Variants in SERPINI2 observed in about 807,000 individuals in gnomAD.
SERPINI2 encodes the protein serpin family I member 2, also known as serpin I2.
SERPINI2 carries 48 observed loss-of-function variants against 47.3 expected under a neutral mutation model. That is an observed-to-expected ratio of 1.02 (90% confidence interval 0.81 to 1.29). The LOEUF (loss-of-function observed/expected upper bound fraction) is 1.29, where lower values mean the gene tolerates loss of function less well. Among genes scored for constraint, SERPINI2 ranks in the 50% most tolerant of loss-of-function variants. The probability of loss-of-function intolerance (pLI) is 0.00; values close to 1 mark genes in which losing one functional copy is unlikely to be tolerated. For missense variants in SERPINI2, 448 were observed against 456.9 expected (o/e 0.98, Z 0.18); for synonymous variants, 135 against 149.3 (o/e 0.90, Z 0.70).
intron 5 of SERPINI2, 72 bp downstream of exon 5, chr3:167,465,134 T>G: frequency 7.5e-7 from 1 of 1,326,538 alleles, no homozygotes; most frequent in East Asian, 2.3e-5. Context: ...ATTTGTTACC[T>G]TTCAGCTGAC....
At chr3:167,455,176 G>A (rs1345565724) in intron 5 of SERPINI2, among the ~76,000 whole-genome samples, 7 of 152,104 alleles carry the variant, frequency 4.6e-5, no homozygotes, top group Admixed American at 3.9e-4. Context: ...AGAACAGCAG[G>A]CAAAAGTAGA....
chr3:167,467,168 T>A, exon 3 of SERPINI2: 1 of 1,613,486 alleles, frequency 6.2e-7, no homozygotes, highest in South Asian at 1.1e-5. Flanking sequence ...ATGGAGATAC[T>A]GTTCTTTCAC....
intron 7 of SERPINI2, among the ~76,000 whole-genome samples, chr3:167,448,586 G>A (rs894205746): frequency 2.6e-5 from 4 of 152,002 alleles, no homozygotes; most frequent in Non-Finnish European, 4.4e-5. Flanking sequence ...GCAGTTGCGC[G>A]ATCTAGGCTC....
At chr3:167,468,515 C>A (rs142896878) in intron 2 of SERPINI2, among the ~76,000 whole-genome samples, 2 of 152,160 alleles carry the variant, frequency 1.3e-5, no homozygotes, top group Non-Finnish European at 2.9e-5. Context: ...GTTCTCACAG[C>A]CTCACAGGAG....
In SERPINI2 at chr3:167,452,925, T is replaced by C. The variant is rs773064285; in HGVS notation, c.964+11A>G. ...TTAACATCATAATATAAGAATTATT[T>C]ATCATACTACCTGTTATTCCAGAAA... is the stretch of plus-strand genomic sequence containing the variant. On this transcript the variant is annotated intron_variant, in intron 6 of 8. Transcript: ENST00000264677. 2.6e-6 allele frequency: 4 copies of C among 1,514,720 alleles called. No homozygotes were observed. Among genetic ancestry groups the C allele is most frequent in the African/African-American group, 1.4e-5 (1 of 71,716 alleles). The allele number at this position is 1,514,720 out of a possible 1,614,324, so 93.8% of individuals were successfully genotyped here.
exon 4 of SERPINI2, chr3:167,465,573 G>A (rs1378784214): frequency 6.2e-7 from 1 of 1,613,746 alleles, no homozygotes; most frequent in African/African-American, 1.3e-5. Flanking sequence ...CCTCTTTTCT[G>A]AATTTCTGTT....
intron 7 of SERPINI2, among the ~76,000 whole-genome samples, chr3:167,447,897 C>A (rs945981087): frequency 1.3e-5 from 2 of 152,172 alleles, no homozygotes; most frequent in African/African-American, 4.8e-5. Flanking sequence ...TAAGGGAGTC[C>A]AGTGTGTTTC....
chr3:167,470,550 C>CTTTTTTTTTTTTTTTTTTTTTT (rs536884425), intron 2 of SERPINI2, among the ~76,000 whole-genome samples: 4 of 93,048 alleles, frequency 4.3e-5, no homozygotes, highest in African/African-American at 2.3e-4. Flanking sequence ...TGAGCAACAA[C>CTTTTTTTTTTTTTTTTTTTTTT]TTTTTTTTTT....
intron 8 of SERPINI2, among the ~76,000 whole-genome samples, chr3:167,443,727 G>T (rs1360580332): frequency 6.6e-6 from 1 of 151,978 alleles, no homozygotes; most frequent in Middle Eastern, 3.2e-3. Context: ...TACCTAGAAG[G>T]GTAGAATGTT....
chr3:167,467,312 G>C, intron 2 of SERPINI2, 27 bp from the exon 3 acceptor site: 1 of 1,496,880 alleles, frequency 6.7e-7, no homozygotes, highest in Non-Finnish European at 9.2e-7. Flanking sequence ...ATGTATATTG[G>C]CATATTGAAC....
chr3:167,461,441 T>A (rs1027630474), intron 5 of SERPINI2, among the ~76,000 whole-genome samples: 1 of 152,166 alleles, frequency 6.6e-6, no homozygotes, highest in Non-Finnish European at 1.5e-5. Context: ...AAGATTCAAA[T>A]TCAGCTTTTA....
exon 4 of SERPINI2, chr3:167,465,619 A>T (rs1415153655): frequency 6.2e-7 from 1 of 1,613,416 alleles, no homozygotes; most frequent in East Asian, 2.2e-5. Flanking sequence ...ATTCACCAGG[A>T]CAAGCCGAGT....
rs75466584 is a variant in SERPINI2 at position 167,458,653 on chromosome 3, T to G, written c.867-5620A>C. Among the ~76,000 whole-genome samples the G allele has an allele frequency of 3.7e-4, 57 of 152,292 alleles. No homozygotes were observed. In the East Asian group the frequency reaches 0.011, roughly 29 times the overall value. On this transcript the variant is annotated intron_variant, in intron 5 of 8. Transcript: ENST00000264677. ...TCAATAAGGAACCTATTGCTTTACA[T>G]CTGTCCCAGCCTCTTGCCCACAGTA...
At chr3:167,471,831 C>T in exon 2 of SERPINI2, 2 of 1,608,148 alleles carry the variant, frequency 1.2e-6, no homozygotes, top group South Asian at 1.1e-5. Context: ...AAGATTGTGT[C>T]CATTTTGACT....
chr3:167,452,048 T>G (rs576916542), intron 6 of SERPINI2, among the ~76,000 whole-genome samples: 1 of 152,148 alleles, frequency 6.6e-6, no homozygotes, highest in African/African-American at 2.4e-5. Context: ...ACCAGGAAAG[T>G]TTTTCATTCT....
At chr3:167,453,826 G>C (rs754458905) in intron 5 of SERPINI2, among the ~76,000 whole-genome samples, 4 of 151,242 alleles carry the variant, frequency 2.6e-5, no homozygotes, top group African/African-American at 4.9e-5. Flanking sequence ...GATCTTCCAC[G>C]ATTCCAAGTC....
At chr3:167,471,130 T>C (rs1476305273) in intron 2 of SERPINI2, among the ~76,000 whole-genome samples, 1 of 152,144 alleles carries the variant, frequency 6.6e-6, no homozygotes, top group Non-Finnish European at 1.5e-5. Flanking sequence ...AAGTAAGTAA[T>C]GGTACTTCTA....
chr3:167,453,270 T>C (rs1022061691), intron 5 of SERPINI2, among the ~76,000 whole-genome samples: 2 of 152,212 alleles, frequency 1.3e-5, no homozygotes, highest in African/African-American at 4.8e-5. Flanking sequence ...AAATTGCATT[T>C]TTTTTTGAAG....
At chr3:167,464,030 T>TTTTTTTTC (rs61127135) in intron 5 of SERPINI2, among the ~76,000 whole-genome samples, 1 of 142,928 alleles carries the variant, frequency 7.0e-6, no homozygotes, top group African/African-American at 2.9e-5. Context: ...TTTTTTTTTT[T>TTTTTTTTC]GGATACTGGG....
Sources: allele counts gnomAD v4.1 joint callset (sites outside exome capture counted in the v4.1 genomes callset), GRCh38; gene constraint gnomAD v4.1.1; transcripts MANE v1.5; gene names NCBI Gene and HGNC (gene_info 2026-07-23, HGNC 2026-07-21).